HIPK2: variants seen among roughly 807,000 people sequenced by gnomAD.
HIPK2 encodes the protein homeodomain-interacting protein kinase 2.
A neutral mutation model predicts 113.7 loss-of-function variants in HIPK2; 27 were observed. The observed-to-expected ratio is 0.24, with a 90% CI of 0.17 to 0.33. The LOEUF (loss-of-function observed/expected upper bound fraction) is 0.33, where lower values mean the gene tolerates loss of function less well. HIPK2 is among the 10% of genes least tolerant of loss of function. The pLI, the probability that HIPK2 is intolerant of heterozygous loss-of-function variation, is 1.00. For missense variants in HIPK2, 1,257 were observed against 1,588.0 expected, an observed-to-expected ratio of 0.79 and a Z score of 3.54; for synonymous variants, 631 against 642.2, an observed-to-expected ratio of 0.98 and a Z score of 0.26.
chr7:139,668,918 T>C (rs1802159355), intron 2 of HIPK2, among the ~76,000 whole-genome samples: 1 of 152,248 alleles, frequency 6.6e-6, no homozygotes, highest in Non-Finnish European at 1.5e-5. Flanking sequence ...CTTTTGTCTG[T>C]ATGCCTTTCA....
In HIPK2 at chr7:139,563,767, A is replaced by C. The variant is rs1384614104; in HGVS notation, c.*9160T>G. The C allele has an allele frequency of 2.5e-6, 1 of 398,446 alleles. No homozygotes were observed. Among genetic ancestry groups the C allele is most frequent in the South Asian group, 1.3e-4 (1 of 7,832 alleles). The allele number at this position is 398,446 out of a possible 1,614,324, so 24.7% of individuals were successfully genotyped here. On this transcript the variant is annotated 3_prime_UTR_variant, in exon 15 of 15. Transcript: ENST00000406875. ...CGCTGTCAATACAGTTCACAGGGAA[A>C]AAGCAAATGTGGTATTTTTTTGTAT...
intron 2 of HIPK2, among the ~76,000 whole-genome samples, chr7:139,673,693 G>A (rs1416633739): frequency 6.6e-6 from 1 of 151,960 alleles, no homozygotes; most frequent in Non-Finnish European, 1.5e-5. Context: ...GTAACCTGAA[G>A]AAGTCTGACT....
In HIPK2 at chr7:139,685,807, C is replaced by A. The variant is rs190153553; in HGVS notation, c.1103+30125G>T. 1.5e-4 allele frequency among the ~76,000 whole-genome samples: 23 copies of A among 152,318 alleles called. No individual in the cohort carries two copies. The East Asian group carries it at 4.4e-3, about 29-fold the overall frequency. The stretch of plus-strand genomic sequence containing the variant: ...CTTCTCAGAACAAAAAGATTTCTTT[C>A]AAGATATGACTGCTCATTGACAATG... On this transcript the variant is annotated intron_variant, in intron 2 of 14. Coordinates refer to ENST00000406875, the MANE Select transcript of HIPK2 (RefSeq NM_022740.5).
intron 12 of HIPK2, among the ~76,000 whole-genome samples, chr7:139,594,325 C>T (rs1443430619): frequency 6.6e-6 from 1 of 152,228 alleles, no homozygotes; most frequent in Admixed American, 6.5e-5. Context: ...AGGACACAAA[C>T]TGTCTACCTT....
chr7:139,628,536 T>C (rs1800505956), intron 5 of HIPK2, among the ~76,000 whole-genome samples: 1 of 151,054 alleles, frequency 6.6e-6, no homozygotes, highest in Non-Finnish European at 1.5e-5. Context: ...TGGGTTCAAG[T>C]GATTCTCCTG....
chr7:139,574,482 G>A (rs74674951), intron 14 of HIPK2, among the ~76,000 whole-genome samples: 1,664 of 152,278 alleles, frequency 0.011, 33 homozygotes, highest in African/African-American at 0.037. Context: ...ACAGAGACAC[G>A]GGCTCCACTG....
chr7:139,748,363 T>C (rs1796225948), intron 1 of HIPK2, among the ~76,000 whole-genome samples: 1 of 152,104 alleles, frequency 6.6e-6, no homozygotes, highest in Admixed American at 6.5e-5. Context: ...TGGCCTAGTA[T>C]AACACAGCAC....
chr7:139,713,138 C>G (rs1299924645), intron 2 of HIPK2, among the ~76,000 whole-genome samples: 1 of 152,070 alleles, frequency 6.6e-6, no homozygotes, highest in Non-Finnish European at 1.5e-5. Context: ...ACACAGGGGC[C>G]AGATGTGACT....
chr7:139,575,998 G>C (rs1400747886), intron 13 of HIPK2, among the ~76,000 whole-genome samples: 1 of 152,244 alleles, frequency 6.6e-6, no homozygotes, highest in Non-Finnish European at 1.5e-5. Flanking sequence ...AAATTACCCA[G>C]TCTCAGGTAC....
chr7:139,604,633 G>A (rs181620859), intron 9 of HIPK2, among the ~76,000 whole-genome samples: 80 of 141,274 alleles, frequency 5.7e-4, no homozygotes, highest in African/African-American at 2.1e-3. Context: ...GAAGTGAGCC[G>A]AGATGGCGCC....
At chr7:139,766,270 C>G (rs1267423070) in intron 1 of HIPK2, among the ~76,000 whole-genome samples, 2 of 152,208 alleles carry the variant, frequency 1.3e-5, no homozygotes, top group African/African-American at 4.8e-5. Context: ...GCAGAACTGG[C>G]AATAGCAAGT....
At chr7:139,594,059 G>A (rs949595407) in intron 12 of HIPK2, among the ~76,000 whole-genome samples, 1 of 152,046 alleles carries the variant, frequency 6.6e-6, no homozygotes, top group Admixed American at 6.5e-5. Context: ...CTGCACAGGG[G>A]TCTTGATCCT....
Position 139,631,505 on chromosome 7 carries a change from T to C in HIPK2, c.1227+97A>G. ...TGGGAGACAACGTGACATTCCACAG[T>C]CCCGCCCATTTGTCATGTAATCAAT... On this transcript the variant is annotated intron_variant, in intron 3 of 14. Transcript: ENST00000406875. This position sits in a 1 kb window ranked among gnomAD's most constrained non-coding sequence, Gnocchi z 4.9. 6.5e-7 allele frequency: 1 copy of C among 1,533,790 alleles called. No individual in the cohort carries two copies. Among genetic ancestry groups the C allele is most frequent in the Non-Finnish European group, 8.8e-7 (1 of 1,138,194 alleles).
chr7:139,692,641 C>T (rs1794439475), intron 2 of HIPK2, among the ~76,000 whole-genome samples: 1 of 152,042 alleles, frequency 6.6e-6, no homozygotes, highest in Non-Finnish European at 1.5e-5. Context: ...TGAGAAAATA[C>T]AAAATACCAA....
chr7:139,739,809 C>G (rs1206435654), intron 1 of HIPK2, among the ~76,000 whole-genome samples: 1 of 152,186 alleles, frequency 6.6e-6, no homozygotes, highest in African/African-American at 2.4e-5. Context: ...TGGTATCACA[C>G]AATATGTATA....
At chr7:139,706,436 G>A (rs151231700) in intron 2 of HIPK2, among the ~76,000 whole-genome samples, 140 of 152,254 alleles carry the variant, frequency 9.2e-4, no homozygotes, top group Non-Finnish European at 1.4e-3. Flanking sequence ...GAGATGAGCT[G>A]AGCTACAAGG....
In HIPK2 at chr7:139,714,269, G is replaced by A. The variant is rs1426999677; in HGVS notation, c.1103+1663C>T. On this transcript the variant is annotated intron_variant, in intron 2 of 14. Transcript: ENST00000406875. This position sits in a 1 kb window ranked among gnomAD's most constrained non-coding sequence, Gnocchi z 4.2. ...GGAAATGCCTCCTAAAGGGAAGAGG[G>A]AAGAGACAGAAACAGCATGGGTGAA... is the stretch of plus-strand genomic sequence containing the variant. Among the ~76,000 whole-genome samples, 1 of 152,222 alleles carries A rather than the reference G, an allele frequency of 6.6e-6. No homozygotes were observed. The highest frequency in any genetic ancestry group is 1.5e-5 in the Non-Finnish European group (1 of 68,030).
rs761276153 is a variant in HIPK2, at chr7:139,630,157, T to C, written c.1347+1008A>G. On this transcript the variant is annotated intron_variant, in intron 4 of 14. Transcript: ENST00000406875. The surrounding 1 kb of genome is among the most constrained non-coding windows in gnomAD (Gnocchi z 4.0). ...TATTATTTTCTTTTTACCAGGAAAA[T>C]ACTTTGATTTTAATTGCTAGGCACA... is the stretch of plus-strand genomic sequence containing the variant. 9.9e-5 allele frequency among the ~76,000 whole-genome samples: 15 copies of C among 152,272 alleles called. No individual in the cohort carries two copies. Among genetic ancestry groups the C allele is most frequent in the Non-Finnish European group, 2.1e-4 (14 of 68,020 alleles).
chr7:139,762,155 G>A (rs1233286019), intron 1 of HIPK2, among the ~76,000 whole-genome samples: 1 of 152,120 alleles, frequency 6.6e-6, no homozygotes, highest in Non-Finnish European at 1.5e-5. Context: ...GTCCATCAGT[G>A]GCATGGAGGA....
Sources: allele counts gnomAD v4.1 joint callset (sites outside exome capture counted in the v4.1 genomes callset), GRCh38; gene constraint gnomAD v4.1.1; non-coding constraint Gnocchi (gnomAD v3.1); transcripts MANE v1.5; gene names NCBI Gene and HGNC (gene_info 2026-07-23, HGNC 2026-07-21).